TLN2: variants seen among roughly 807,000 people sequenced by gnomAD.
TLN2 encodes talin 2.
Under a neutral mutation model 294.7 loss-of-function variants are expected in TLN2, and 118 were observed. The observed-to-expected ratio is 0.40, with a 90% CI of 0.34 to 0.47. The LOEUF (loss-of-function observed/expected upper bound fraction) is 0.47, where lower values mean the gene tolerates loss of function less well. Ranked by LOEUF, TLN2 falls within the 20% of genes least tolerant of loss-of-function variation. TLN2 has a pLI of 0.84. For synonymous variants in TLN2, 1,431 were observed against 1,304.5 expected (o/e 1.10, Z -2.09); for missense variants, 3,083 against 3,282.2 (o/e 0.94, Z 1.48).
Position 62,642,638 on chromosome 15 carries a change from G to C in TLN2, c.-36-4637G>C, listed in dbSNP as rs149986364. Among the ~76,000 whole-genome samples the C allele has an allele frequency of 1.8e-3, 269 of 151,942 alleles. 1 individual carries two copies. Among genetic ancestry groups the C allele is most frequent in the African/African-American group, 5.9e-3 (246 of 41,440 alleles). On this transcript the variant is annotated intron_variant, in intron 3 of 58. Coordinates refer to ENST00000636159, the MANE Select transcript of TLN2 (RefSeq NM_015059.3). ...ACTCATCTTTAGTCTACATTTCTAG[G>C]TTGCTATATGTTCTAATCCTACTTT...
chr15:62,485,313 A>C (rs894512907), intron 1 of TLN2, among the ~76,000 whole-genome samples: 2 of 152,202 alleles, frequency 1.3e-5, no homozygotes, highest in Non-Finnish European at 2.9e-5. Flanking sequence ...GGCTGCCACA[A>C]GGTCAGGTTT....
intron 1 of TLN2, among the ~76,000 whole-genome samples, chr15:62,463,414 G>A (rs2140345216): frequency 6.6e-6 from 1 of 152,274 alleles, no homozygotes; most frequent in South Asian, 2.1e-4. Context: ...AATCTGAAAT[G>A]ATGTAGAAAG....
intron 2 of TLN2, among the ~76,000 whole-genome samples, chr15:62,612,410 T>C (rs1286882923): frequency 6.6e-6 from 1 of 152,232 alleles, no homozygotes; most frequent in Non-Finnish European, 1.5e-5. Flanking sequence ...CCTATTGTAC[T>C]CTTAGGCTTT....
At chr15:62,757,567 C>T (rs1027974071) in intron 37 of TLN2, among the ~76,000 whole-genome samples, 1 of 152,166 alleles carries the variant, frequency 6.6e-6, no homozygotes, top group Non-Finnish European at 1.5e-5. Context: ...AAATCCTGAC[C>T]TATCTCTATA....
intron 3 of TLN2, among the ~76,000 whole-genome samples, chr15:62,621,161 C>T (rs189745508): frequency 5.9e-5 from 9 of 152,196 alleles, no homozygotes; most frequent in Admixed American, 1.3e-4. Context: ...TTATATAGCA[C>T]CTTGGGACTT....
At chr15:62,763,817 TAGAC>T (rs1229602297) in intron 40 of TLN2, 122 bp downstream of exon 40, 1 of 1,361,168 alleles carries the variant, frequency 7.3e-7, no homozygotes, top group African/African-American at 1.5e-5. Context: ...GTTTCACCAT[TAGAC>T]AGCCATTCTC....
chr15:62,590,278 T>C (rs972215648), intron 2 of TLN2, among the ~76,000 whole-genome samples: 3 of 152,118 alleles, frequency 2.0e-5, no homozygotes, highest in African/African-American at 7.2e-5. Flanking sequence ...TAGTGTCCAT[T>C]AGTTATTTTT....
chr15:62,393,107 C>T (rs565746640), intron 1 of TLN2, among the ~76,000 whole-genome samples: 1 of 152,230 alleles, frequency 6.6e-6, no homozygotes, highest in South Asian at 2.1e-4. Context: ...CAGAAAGCCT[C>T]AATCCGTTTT....
At position 62,699,341 on chromosome 15, in the gene TLN2, A is replaced by T. The variant is rs559469009; in HGVS notation, c.1587+474A>T. Among the ~76,000 whole-genome samples, 8 of 151,210 alleles carry T rather than the reference A, an allele frequency of 5.3e-5. No individual in the cohort carries two copies. The East Asian group carries it at 1.6e-3, about 29-fold the overall frequency. On this transcript the variant is annotated intron_variant, in intron 16 of 58. Transcript: ENST00000636159. ...TCAAGCTGTAGCATCCATCAGCATC[A>T]TCCGAAGGGCCTGTTAAAATGAATG... is the stretch of plus-strand genomic sequence containing the variant.
rs915802369 is a variant in TLN2, at chr15:62,480,376, G to A, written c.-238+89691G>A. On this transcript the variant is annotated intron_variant, in intron 1 of 58. Coordinates refer to ENST00000636159, the MANE Select transcript of TLN2 (RefSeq NM_015059.3). Reference sequence around the variant, plus strand: ...GTATAGGTGCCCGCCACCATGCCTGGCTAATTTTTGTATTTTTATTAGAGA... The same window carrying A: ...GTATAGGTGCCCGCCACCATGCCTGACTAATTTTTGTATTTTTATTAGAGA... Among the ~76,000 whole-genome samples the A allele has an allele frequency of 6.6e-5, 10 of 152,036 alleles. No individual in the cohort carries two copies. The East Asian group carries it at 1.9e-3, about 29-fold the overall frequency.
chr15:62,555,140 A>C (rs896691995), intron 1 of TLN2, among the ~76,000 whole-genome samples: 3 of 152,200 alleles, frequency 2.0e-5, no homozygotes, highest in African/African-American at 4.8e-5. Flanking sequence ...CACCCTTTGA[A>C]GTGCGAAGCT....
chr15:62,750,366 T>C, intron 33 of TLN2, 36 bp from the exon 34 acceptor site: 9 of 1,573,080 alleles, frequency 5.7e-6, no homozygotes, highest in Non-Finnish European at 7.9e-6. Context: ...CTCTATGACA[T>C]TTGCTTGCTT....
chr15:62,491,907 C>T (rs1354363574), intron 1 of TLN2, among the ~76,000 whole-genome samples: 1 of 152,038 alleles, frequency 6.6e-6, no homozygotes, highest in African/African-American at 2.4e-5. Context: ...TAGAGGAAGC[C>T]TTATCTCACC....
chr15:62,753,534 C>T (rs2062053175), intron 35 of TLN2, among the ~76,000 whole-genome samples: 1 of 152,216 alleles, frequency 6.6e-6, no homozygotes, highest in African/African-American at 2.4e-5. Flanking sequence ...GAGGCTCTCT[C>T]AGAAGAACAA....
chr15:62,647,769 G>A (rs1159636084), intron 4 of TLN2, among the ~76,000 whole-genome samples: 3 of 152,148 alleles, frequency 2.0e-5, no homozygotes, highest in East Asian at 1.9e-4. Flanking sequence ...TGCCCTAACA[G>A]TATTGGCGGT....
chr15:62,817,814 CTTTTTTTT>C (rs1179496167), intron 52 of TLN2, among the ~76,000 whole-genome samples: 1 of 115,724 alleles, frequency 8.6e-6, no homozygotes, highest in Non-Finnish European at 1.8e-5. Flanking sequence ...TCCATTCTAT[CTTTTTTTT>C]TTTTTTTTTT....
intron 1 of TLN2, among the ~76,000 whole-genome samples, chr15:62,455,584 C>T (rs1438689596): frequency 4.6e-5 from 7 of 152,178 alleles, no homozygotes; most frequent in African/African-American, 9.7e-5. Context: ...TCCTACTCAT[C>T]GACTTCTGCG....
intron 2 of TLN2, among the ~76,000 whole-genome samples, chr15:62,598,470 C>T (rs2046727075): frequency 1.3e-5 from 2 of 152,214 alleles, no homozygotes; most frequent in South Asian, 2.1e-4. Flanking sequence ...AAGAATTCTG[C>T]TGTGCGTGGA....
chr15:62,571,653 C>T (rs1049173352), intron 1 of TLN2, among the ~76,000 whole-genome samples: 20 of 152,120 alleles, frequency 1.3e-4, no homozygotes, highest in Admixed American at 7.9e-4. Flanking sequence ...CAATGGTAGG[C>T]TCCCATGTAC....
Sources: gnomAD v4.1 joint callset for allele counts (sites outside exome capture counted in the v4.1 genomes callset) on GRCh38, gnomAD v4.1.1 for gene constraint, MANE v1.5 for transcripts, NCBI Gene and HGNC (gene_info 2026-07-23, HGNC 2026-07-21) for gene names.